PDE10A: variants seen among roughly 807,000 people sequenced by gnomAD.
PDE10A encodes phosphodiesterase 10A, also known as cAMP and cAMP-inhibited cGMP 3',5'-cyclic phosphodiesterase 10A.
Under a neutral mutation model 97.7 loss-of-function variants are expected in PDE10A, and 39 were observed. The observed-to-expected ratio is 0.40, with a 90% CI of 0.31 to 0.52. PDE10A has a LOEUF of 0.52. Ranked by LOEUF, PDE10A falls within the 20% of genes least tolerant of loss-of-function variation. PDE10A has a pLI of 0.56. For missense variants in PDE10A, 731 were observed against 1,047.8 expected (o/e 0.70, Z 4.17); for synonymous variants, 371 against 376.8 (o/e 0.98, Z 0.18).
At chr6:165,470,366 C>T (rs1189967185) in intron 3 of PDE10A, among the ~76,000 whole-genome samples, 1 of 152,222 alleles carries the variant, frequency 6.6e-6, no homozygotes, top group African/African-American at 2.4e-5. Context: ...CACTGAACCA[C>T]ATTATAATAT....
intron 1 of PDE10A, chr6:165,780,787 T>C (rs935873148): frequency 6.6e-6 from 1 of 152,312 alleles, no homozygotes; most frequent in Non-Finnish European, 1.5e-5. Flanking sequence ...CAACGCTTTT[T>C]CTTCATGATT....
chr6:165,486,986 G>A (rs1347588510), intron 2 of PDE10A, among the ~76,000 whole-genome samples: 2 of 152,130 alleles, frequency 1.3e-5, no homozygotes, highest in African/African-American at 4.8e-5. Flanking sequence ...CTTTCCCACG[G>A]CTGACACGTG....
intron 7 of PDE10A, among the ~76,000 whole-genome samples, chr6:165,431,685 T>C (rs967271013): frequency 1.3e-5 from 2 of 150,602 alleles, no homozygotes; most frequent in Non-Finnish European, 3.0e-5. Context: ...CGGGGATACA[T>C]GTATATGAAG....
At position 165,537,213 on chromosome 6, in the gene PDE10A, A is replaced by G. The variant is rs553373605; in HGVS notation, c.994+6227T>C. Among the ~76,000 whole-genome samples the G allele has an allele frequency of 1.3e-5, 2 of 152,220 alleles. 1 individual carries two copies. The highest frequency in any genetic ancestry group is 4.8e-5 in the African/African-American group (2 of 41,568). On this transcript the variant is annotated intron_variant, in intron 2 of 21. Coordinates refer to ENST00000539869, the MANE Select transcript of PDE10A (RefSeq NM_001385079.1). ...AGACAAAAATTGCATGTTCTTACTC[A>G]TATGTGAGAGGCTAGAAAAGGGATC...
chr6:165,971,481 T>C (rs1044921842), intron 1 of PDE10A, among the ~76,000 whole-genome samples: 1 of 152,192 alleles, frequency 6.6e-6, no homozygotes, highest in African/African-American at 2.4e-5. Flanking sequence ...CTCTTGCCCA[T>C]CATCCATTGC....
chr6:165,512,734 G>A (rs67220870), intron 2 of PDE10A, among the ~76,000 whole-genome samples: 1 of 151,812 alleles, frequency 6.6e-6, no homozygotes, highest in East Asian at 1.9e-4. Context: ...TGTATGTTAA[G>A]TATAACCTTT....
At chr6:165,342,054 C>T (rs754388665) in intron 19 of PDE10A, among the ~76,000 whole-genome samples, 10 of 152,100 alleles carry the variant, frequency 6.6e-5, no homozygotes, top group Non-Finnish European at 1.0e-4. Flanking sequence ...ACATTTCTCT[C>T]CAGTCTATAA....
intron 1 of PDE10A, among the ~76,000 whole-genome samples, chr6:165,735,401 G>C (rs1792549670): frequency 6.6e-6 from 1 of 151,744 alleles, no homozygotes; most frequent in African/African-American, 2.4e-5. Context: ...TAGGTCAGTT[G>C]GTAGGTACAT....
At chr6:165,521,704 C>T (rs148521697) in intron 2 of PDE10A, among the ~76,000 whole-genome samples, 22 of 152,230 alleles carry the variant, frequency 1.4e-4, no homozygotes, top group Middle Eastern at 3.4e-3. Flanking sequence ...CATGAGGAAG[C>T]TGCAAAAGAA....
chr6:165,595,124 C>T (rs1786508852), intron 1 of PDE10A, among the ~76,000 whole-genome samples: 1 of 152,152 alleles, frequency 6.6e-6, no homozygotes, highest in Admixed American at 6.5e-5. Flanking sequence ...GGTTTAAGGC[C>T]CAGGTCCAGC....
rs1210872117 is a variant in PDE10A, at chr6:165,943,175, AAAAGAAAGAAAGAAAG to A, written c.-615+44338_-615+44353del. Among the ~76,000 whole-genome samples the A allele has an allele frequency of 7.1e-3, 484 of 68,306 alleles. 14 individuals are homozygous for A. Among genetic ancestry groups the A allele is most frequent in the African/African-American group, 0.016 (210 of 13,130 alleles). 44.8% of individuals were successfully genotyped at this position (68,306 alleles called of 152,430 possible). A position where few individuals can be genotyped will look rare whatever the true frequency, so the allele number is the denominator to read the frequency against. On this transcript the variant is annotated intron_variant, in intron 1 of 19. Transcript: ENST00000366882. ...AGAGAGAGAGAGAAGAAAGAAAGAA[AAAAGAAAGAAAGAAAG>A]AAAGAAAGAAAGAAAGAAAGAAAGA...
rs551061757 is a variant in PDE10A, at chr6:165,776,678, G to A, written c.-615+210851C>T. Reference sequence around the variant, plus strand: ...CACCCTCTCCTCTCTCCTTCTCTTCGTTCCTCTTTTCTCTTTCCATCCCTC... The same window carrying A: ...CACCCTCTCCTCTCTCCTTCTCTTCATTCCTCTTTTCTCTTTCCATCCCTC... On this transcript the variant is annotated intron_variant, in intron 1 of 19. Coordinates refer to the PDE10A transcript ENST00000366882. 3.5e-4 allele frequency among the ~76,000 whole-genome samples: 54 copies of A among 152,206 alleles called. 1 individual carries two copies. In the South Asian group the frequency reaches 8.9e-3, roughly 25 times the overall value.
rs1222303612 is a variant in PDE10A at position 165,329,783 on chromosome 6, T to C, written c.*3242A>G. On this transcript the variant is annotated 3_prime_UTR_variant, in exon 22 of 22. Transcript: ENST00000539869. Reference sequence around the variant, plus strand: ...GAGAACGAGTCACCTGGGGCACCACTGTAAACATCTGTACCTTCCTTTTCC... The same window carrying C: ...GAGAACGAGTCACCTGGGGCACCACCGTAAACATCTGTACCTTCCTTTTCC... 1 of 152,206 alleles carries C rather than the reference T, an allele frequency of 6.6e-6. No individual in the cohort carries two copies. The highest frequency in any genetic ancestry group is 1.9e-4 in the East Asian group (1 of 5,184). 9.4% of individuals were successfully genotyped at this position (152,206 alleles called of 1,614,324 possible).
chr6:165,612,311 C>A (rs899639757), intron 1 of PDE10A, among the ~76,000 whole-genome samples: 1 of 152,152 alleles, frequency 6.6e-6, no homozygotes, highest in African/African-American at 2.4e-5. Flanking sequence ...GAATGCTCTG[C>A]TCCTTAATCC....
At chr6:165,844,459 T>A (rs1189836377) in intron 1 of PDE10A, among the ~76,000 whole-genome samples, 1 of 152,222 alleles carries the variant, frequency 6.6e-6, no homozygotes, top group Non-Finnish European at 1.5e-5. Flanking sequence ...AGGGAGCACC[T>A]AAGGTGTTCT....
chr6:165,435,986 G>A (rs1789986446), intron 5 of PDE10A, among the ~76,000 whole-genome samples: 1 of 152,124 alleles, frequency 6.6e-6, no homozygotes, highest in Admixed American at 6.5e-5. Context: ...GGGTGGGAAG[G>A]TAATGTCCTG....
chr6:165,437,900 G>A (rs951442194), intron 5 of PDE10A, among the ~76,000 whole-genome samples: 1 of 152,104 alleles, frequency 6.6e-6, no homozygotes, highest in African/African-American at 2.4e-5. Flanking sequence ...ATTTCTAATT[G>A]AGGATCAGTC....
intron 1 of PDE10A, among the ~76,000 whole-genome samples, chr6:165,630,950 C>T (rs542146470): frequency 6.6e-6 from 1 of 152,322 alleles, no homozygotes; most frequent in East Asian, 1.9e-4. Flanking sequence ...AAAGCTCTGC[C>T]TGGCTTTCCT....
At chr6:165,581,706 A>G (rs1253212174) in intron 1 of PDE10A, among the ~76,000 whole-genome samples, 2 of 152,210 alleles carry the variant, frequency 1.3e-5, no homozygotes, top group African/African-American at 4.8e-5. Flanking sequence ...GGCCTTTACA[A>G]TTTGAGAATT....
Sources: allele counts gnomAD v4.1 joint callset (sites outside exome capture counted in the v4.1 genomes callset), GRCh38; gene constraint gnomAD v4.1.1; transcripts MANE v1.5; gene names NCBI Gene and HGNC (gene_info 2026-07-23, HGNC 2026-07-21).